MYT1L: variants seen among roughly 807,000 people sequenced by gnomAD.
The protein encoded by MYT1L is myelin transcription factor 1-like protein.
A neutral mutation model predicts 126.7 loss-of-function variants in MYT1L; 12 were observed. That is an observed-to-expected ratio of 0.09 (90% CI 0.06 to 0.15). The LOEUF (loss-of-function observed/expected upper bound fraction) is 0.15, where lower values mean the gene tolerates loss of function less well. Ranked by LOEUF, MYT1L falls within the 10% of genes least tolerant of loss-of-function variation. MYT1L has a pLI of 1.00. For synonymous variants in MYT1L, 541 were observed against 604.2 expected (o/e 0.90, Z 1.53); for missense variants, 979 against 1,585.2 (o/e 0.62, Z 6.49).
chr2:1,876,524 C>T (rs1449187399), intron 18 of MYT1L, among the ~76,000 whole-genome samples: 2 of 152,150 alleles, frequency 1.3e-5, no homozygotes, highest in Admixed American at 6.5e-5. Context: ...CGCGCCTACC[C>T]CTCACCCCGG....
chr2:1,969,770 G>A (rs1239513141), intron 8 of MYT1L, among the ~76,000 whole-genome samples: 1 of 152,200 alleles, frequency 6.6e-6, no homozygotes, highest in East Asian at 1.9e-4. Flanking sequence ...CAGCTGTCCA[G>A]CCAGGAGTGG....
At chr2:2,230,202 A>G (rs185526822) in intron 2 of MYT1L, among the ~76,000 whole-genome samples, 3 of 152,324 alleles carry the variant, frequency 2.0e-5, no homozygotes, top group Admixed American at 6.5e-5. Context: ...AGAACAACAT[A>G]TTTATAGAAA....
chr2:2,294,721 C>T (rs1301509460), intron 1 of MYT1L, among the ~76,000 whole-genome samples: 1 of 152,134 alleles, frequency 6.6e-6, no homozygotes, highest in African/African-American at 2.4e-5. Flanking sequence ...ACATTCAGCC[C>T]ATTATTAAAG....
At chr2:2,215,024 T>C (rs1359795707) in intron 2 of MYT1L, among the ~76,000 whole-genome samples, 3 of 152,176 alleles carry the variant, frequency 2.0e-5, no homozygotes, top group African/African-American at 7.2e-5. Flanking sequence ...AAATTAAAGA[T>C]GTATTTTACA....
intron 18 of MYT1L, among the ~76,000 whole-genome samples, chr2:1,853,181 G>A (rs919302719): frequency 6.6e-6 from 1 of 152,190 alleles, no homozygotes; most frequent in African/African-American, 2.4e-5. Context: ...TTTATGACCT[G>A]CTCCCGGGGA....
intron 2 of MYT1L, among the ~76,000 whole-genome samples, chr2:2,233,500 C>T (rs2094209492): frequency 6.6e-6 from 1 of 152,182 alleles, no homozygotes; most frequent in African/African-American, 2.4e-5. Flanking sequence ...GTCTACACAT[C>T]TCACAGACCC....
intron 3 of MYT1L, among the ~76,000 whole-genome samples, chr2:2,087,622 T>C (rs1055788593): frequency 6.6e-6 from 1 of 152,212 alleles, no homozygotes; most frequent in Admixed American, 6.5e-5. Context: ...AGCTTGGTCC[T>C]AAATAAAATA....
chr2:2,098,078 G>T (rs1449229962), intron 3 of MYT1L, among the ~76,000 whole-genome samples: 2 of 152,094 alleles, frequency 1.3e-5, no homozygotes, highest in African/African-American at 4.8e-5. Flanking sequence ...GGAGCATATG[G>T]TGCCATGCTT....
At chr2:2,079,531 T>G (rs1314492837) in intron 3 of MYT1L, among the ~76,000 whole-genome samples, 1 of 152,162 alleles carries the variant, frequency 6.6e-6, no homozygotes, top group African/African-American at 2.4e-5. Context: ...CTTGGCCTGG[T>G]GCGGTGGCTC....
chr2:2,172,543 GTATT>G (rs1358325922), intron 3 of MYT1L, among the ~76,000 whole-genome samples: 4 of 152,278 alleles, frequency 2.6e-5, no homozygotes, highest in African/African-American at 9.6e-5. Context: ...TAAGATGAAA[GTATT>G]TACTCAAAGC....
At chr2:1,869,293 T>C (rs577611250) in intron 18 of MYT1L, among the ~76,000 whole-genome samples, 2 of 152,344 alleles carry the variant, frequency 1.3e-5, no homozygotes, top group Non-Finnish European at 2.9e-5. Flanking sequence ...CCAACTGCCC[T>C]GGACATTTCA....
intron 2 of MYT1L, among the ~76,000 whole-genome samples, chr2:2,235,093 T>C (rs1032520890): frequency 2.6e-5 from 4 of 152,224 alleles, no homozygotes; most frequent in Non-Finnish European, 4.4e-5. Flanking sequence ...CCAAGCTAGA[T>C]TTGTTGTGGC....
At chr2:1,861,356 C>T (rs2044568176) in intron 18 of MYT1L, among the ~76,000 whole-genome samples, 1 of 152,208 alleles carries the variant, frequency 6.6e-6, no homozygotes, top group South Asian at 2.1e-4. Context: ...GGCAGGTCTT[C>T]CAGGACAGGA....
chr2:2,279,384 G>A (rs892321017), intron 2 of MYT1L, among the ~76,000 whole-genome samples: 1 of 151,252 alleles, frequency 6.6e-6, no homozygotes, highest in African/African-American at 2.4e-5. Context: ...CAACATGGAA[G>A]AGGAAGAAGG....
chr2:2,311,253 A>G (rs1294706180), intron 1 of MYT1L, among the ~76,000 whole-genome samples: 1 of 152,258 alleles, frequency 6.6e-6, no homozygotes. Context: ...GAGAATTAAG[A>G]CACGAACCAT....
chr2:2,219,948 A>T (rs961563316), intron 2 of MYT1L, among the ~76,000 whole-genome samples: 1 of 149,812 alleles, frequency 6.7e-6, no homozygotes, highest in East Asian at 1.9e-4. Context: ...TTTCTAACAC[A>T]GCCATCTTTC....
At chr2:1,814,460 G>T (rs1402992156) in intron 21 of MYT1L, among the ~76,000 whole-genome samples, 1 of 152,146 alleles carries the variant, frequency 6.6e-6, no homozygotes, top group Non-Finnish European at 1.5e-5. Context: ...GTGGTTCCTC[G>T]GAATGCCCAC....
rs71402144 is a variant in MYT1L at position 2,275,202 on chromosome 2, A to ATATG, written c.-421+9201_-421+9202insCATA. Among the ~76,000 whole-genome samples the ATATG allele has an allele frequency of 5.4e-3, 759 of 139,546 alleles. 6 individuals carry two copies. The highest frequency in any genetic ancestry group is 0.018 in the African/African-American group (651 of 37,094). The allele number at this position is 139,546 out of a possible 152,430, so 91.5% of individuals were successfully genotyped here. A position where few individuals can be genotyped will look rare whatever the true frequency, so the allele number is the denominator to read the frequency against. On this transcript the variant is annotated intron_variant, in intron 2 of 24. Transcript: ENST00000647738. ...AATTTCAAGAAAATATAATAATAAAATGTGTGTGTGTGTGTGTGTGTGTGT... is the reference window on the plus strand; with the variant it reads ...AATTTCAAGAAAATATAATAATAAAATATGTGTGTGTGTGTGTGTGTGTGTGTGT...
chr2:2,000,342 A>G (rs533990868), intron 4 of MYT1L, among the ~76,000 whole-genome samples: 1 of 152,352 alleles, frequency 6.6e-6, no homozygotes, highest in East Asian at 1.9e-4. Context: ...TTCATTTAAA[A>G]AAAATATTTA....
Sources: allele counts gnomAD v4.1 joint callset (sites outside exome capture counted in the v4.1 genomes callset), GRCh38; gene constraint gnomAD v4.1.1; transcripts MANE v1.5; gene names NCBI Gene and HGNC (gene_info 2026-07-23, HGNC 2026-07-21).